Variants in TUB observed in about 807,000 individuals in gnomAD.
TUB encodes the protein TUB bipartite transcription factor.
A neutral mutation model predicts 59.7 loss-of-function variants in TUB; 33 were observed. The ratio of observed to expected loss-of-function variants is 0.55; its 90% CI spans 0.42 to 0.74. TUB has a LOEUF of 0.74. Among genes scored for constraint, TUB ranks in the 30% least tolerant of loss-of-function variants. The probability of loss-of-function intolerance (pLI) is 0.00; values close to 1 mark genes in which losing one functional copy is unlikely to be tolerated. For synonymous variants in TUB, 293 were observed against 256.4 expected, an observed-to-expected ratio of 1.14 and a Z score of -1.36; for missense variants, 659 against 672.0, an observed-to-expected ratio of 0.98 and a Z score of 0.21.
intron 9 of TUB, among the ~76,000 whole-genome samples, chr11:8,099,081 C>G (rs998779307): frequency 2.0e-5 from 3 of 152,088 alleles, no homozygotes; most frequent in Non-Finnish European, 2.9e-5. Flanking sequence ...AGCCGGCCAT[C>G]TGCTTGGGGA....
intron 1 of TUB, among the ~76,000 whole-genome samples, chr11:8,026,600 C>G (rs1235868112): frequency 6.6e-6 from 1 of 152,056 alleles, no homozygotes; most frequent in Non-Finnish European, 1.5e-5. Context: ...TTTATACTCT[C>G]TACTCTGTTA....
Position 8,048,409 on chromosome 11 carries a change from ATTT to A in TUB, c.203+8722_203+8724del, listed in dbSNP as rs1275583017. ...TTGTTTTGTTTGTTTTCTTTTTTAG[ATTT>A]TTTTAATGAGATGAGGTCTTGTTCT... On this transcript the variant is annotated intron_variant, in intron 2 of 12. Transcript: ENST00000305253. Among the ~76,000 whole-genome samples the A allele has an allele frequency of 2.0e-5, 3 of 152,104 alleles. No homozygotes were observed. The South Asian group carries it at 6.2e-4, about 32-fold the overall frequency.
At chr11:8,021,870 C>G (rs1200812007) in intron 1 of TUB, among the ~76,000 whole-genome samples, 1 of 149,528 alleles carries the variant, frequency 6.7e-6, no homozygotes, top group African/African-American at 2.5e-5. Context: ...GAGCCGAGAT[C>G]ACGCCACTGG....
In TUB at chr11:8,039,766, G is replaced by A. The variant is rs545012382; in HGVS notation, c.203+74G>A. Reference sequence around the variant, plus strand: ...ACAGGAGACTGTGAGGGAGGTGGGCGGAAGACGTGGGTGGCTCAGGGGCCA... The same window carrying A: ...ACAGGAGACTGTGAGGGAGGTGGGCAGAAGACGTGGGTGGCTCAGGGGCCA... On this transcript the variant is annotated intron_variant, in intron 2 of 12. Coordinates refer to the TUB transcript ENST00000305253. 1.6e-5 allele frequency: 21 copies of A among 1,316,158 alleles called. No homozygotes were observed. In the Middle Eastern group the frequency reaches 7.7e-4, roughly 48 times the overall value. 81.5% of individuals were successfully genotyped at this position (1,316,158 alleles called of 1,614,324 possible). A position where few individuals can be genotyped will look rare whatever the true frequency, so the allele number is the denominator to read the frequency against.
At chr11:8,078,256 T>C (rs911214278), upstream of TUB, among the ~76,000 whole-genome samples, 2 of 152,074 alleles carry the variant, frequency 1.3e-5, no homozygotes, top group African/African-American at 4.8e-5. Context: ...CGTTTGAAAA[T>C]GCCTAAAATG....
chr11:8,081,153 TGCGGGGCGGG>T (rs1166798800), upstream of TUB, among the ~76,000 whole-genome samples: 1 of 8,958 alleles, frequency 1.1e-4, no homozygotes. Flanking sequence ...GTGGGGTCTC[TGCGGGGCGGG>T]GCGGGGCGGG....
At chr11:8,079,969 C>T (rs907694047), upstream of TUB, among the ~76,000 whole-genome samples, 7 of 152,280 alleles carry the variant, frequency 4.6e-5, no homozygotes, top group African/African-American at 1.4e-4. Flanking sequence ...CAGCTCCTGA[C>T]GCCCAGCAAA....
chr11:8,054,089 G>T (rs11041720), intron 2 of TUB, among the ~76,000 whole-genome samples: 6 of 151,594 alleles, frequency 4.0e-5, no homozygotes, highest in Admixed American at 3.3e-4. Flanking sequence ...TACTCCAGCC[G>T]GGGCGACAGA....
At position 8,100,441 on chromosome 11, in the gene TUB, C is replaced by A. The variant is rs1035843730; in HGVS notation, c.1117-62C>A. On this transcript the variant is annotated intron_variant, in intron 9 of 11. Coordinates refer to ENST00000299506, the MANE Select transcript of TUB (RefSeq NM_177972.3). Reference sequence around the variant, plus strand: ...GCTCTTCCTCTTTATTCCCGTCCCCCCCACCTTCTCCAGTAGGTAAATAGA... The same window carrying A: ...GCTCTTCCTCTTTATTCCCGTCCCCACCACCTTCTCCAGTAGGTAAATAGA... 95 of 1,330,170 alleles carry A rather than the reference C, an allele frequency of 7.1e-5. 1 individual carries two copies. Among genetic ancestry groups the A allele is most frequent in the Non-Finnish European group, 9.5e-5 (88 of 928,280 alleles). 82.4% of individuals were successfully genotyped at this position (1,330,170 alleles called of 1,614,324 possible). A position where few individuals can be genotyped will look rare whatever the true frequency, so the allele number is the denominator to read the frequency against.
chr11:8,099,725 T>C (rs1332282546), intron 9 of TUB, among the ~76,000 whole-genome samples: 2 of 152,128 alleles, frequency 1.3e-5, no homozygotes, highest in Non-Finnish European at 2.9e-5. Flanking sequence ...AGATAAGAAA[T>C]GTCAAGGTAT....
chr11:8,025,305 G>A (rs79961920), intron 1 of TUB, among the ~76,000 whole-genome samples: 2 of 152,114 alleles, frequency 1.3e-5, no homozygotes, highest in African/African-American at 4.8e-5. Context: ...CTCTGAGGAG[G>A]GGGTATTTCA....
rs1187392277 is a variant in TUB at position 8,105,136 on chromosome 11, T to C, written c.*3517T>C. On this transcript the variant is annotated 3_prime_UTR_variant, in exon 12 of 12. Coordinates refer to ENST00000299506, the MANE Select transcript of TUB (RefSeq NM_177972.3). ...CTCTGTTATGCAAGCACAAATTTCATCTCCTAGATGGACTTCCTGGTTTTC... is the reference window on the plus strand; with the variant it reads ...CTCTGTTATGCAAGCACAAATTTCACCTCCTAGATGGACTTCCTGGTTTTC... The C allele has an allele frequency of 6.6e-6, 1 of 152,182 alleles. No individual in the cohort carries two copies. Among genetic ancestry groups the C allele is most frequent in the African/African-American group, 2.4e-5 (1 of 41,440 alleles). The allele number at this position is 152,182 out of a possible 1,614,324, so 9.4% of individuals were successfully genotyped here.
At chr11:8,080,714 C>T (rs1487602002), upstream of TUB, among the ~76,000 whole-genome samples, 1 of 152,184 alleles carries the variant, frequency 6.6e-6, no homozygotes, top group South Asian at 2.1e-4. Context: ...TGGGAGGGAG[C>T]CACTGCTGAG....
chr11:8,086,033 C>G (rs1328919274), intron 1 of TUB, among the ~76,000 whole-genome samples: 1 of 152,114 alleles, frequency 6.6e-6, no homozygotes, highest in African/African-American at 2.4e-5. Flanking sequence ...GTTTCTCTGC[C>G]CTCATGAGCC....
At chr11:8,058,724 A>G (rs1170286600) in intron 2 of TUB, among the ~76,000 whole-genome samples, 3 of 152,250 alleles carry the variant, frequency 2.0e-5, no homozygotes, top group Non-Finnish European at 2.9e-5. Context: ...ACTTGTTAAC[A>G]TAAATGAAAA....
chr11:8,020,992 T>C (rs886829074), intron 1 of TUB, among the ~76,000 whole-genome samples: 1 of 151,750 alleles, frequency 6.6e-6, no homozygotes, highest in African/African-American at 2.4e-5. Context: ...GGAGAAAAAC[T>C]TAAAGTTGAG....
chr11:8,101,386 T>G, intron 11 of TUB, 100 bp from the exon 12 acceptor site: 2 of 1,453,226 alleles, frequency 1.4e-6, no homozygotes, highest in East Asian at 4.6e-5. Context: ...TGCTTCTCAC[T>G]TGTTCTTCCC....
chr11:8,095,291 A>G (rs1257007540), intron 4 of TUB, among the ~76,000 whole-genome samples: 2 of 152,210 alleles, frequency 1.3e-5, no homozygotes, highest in African/African-American at 4.8e-5. Flanking sequence ...TTGGGGGAAG[A>G]GCAGAAGAAA....
intron 8 of TUB, among the ~76,000 whole-genome samples, chr11:8,098,224 G>A (rs1484460780): frequency 2.0e-5 from 3 of 152,154 alleles, no homozygotes; most frequent in African/African-American, 7.2e-5. Context: ...CAGTGGTGAA[G>A]GGGCAGGAAG....
Sources: allele counts gnomAD v4.1 joint callset (sites outside exome capture counted in the v4.1 genomes callset), GRCh38; gene constraint gnomAD v4.1.1; transcripts MANE v1.5; gene names NCBI Gene and HGNC (gene_info 2026-07-23, HGNC 2026-07-21).